Variants in BABAM2 observed in about 807,000 individuals in gnomAD.
BABAM2 encodes BRISC and BRCA1-A complex member 2.
A neutral mutation model predicts 54.7 loss-of-function variants in BABAM2; 31 were observed. That is an observed-to-expected ratio of 0.57 (90% CI 0.43 to 0.77). The LOEUF (loss-of-function observed/expected upper bound fraction) is 0.77, where lower values mean the gene tolerates loss of function less well. BABAM2 is among the 30% of genes least tolerant of loss of function. The probability of loss-of-function intolerance (pLI) is 0.00; values close to 1 mark genes in which losing one functional copy is unlikely to be tolerated. For synonymous variants in BABAM2, 167 were observed against 162.9 expected, an observed-to-expected ratio of 1.03 and a Z score of -0.19; for missense variants, 364 against 455.8, an observed-to-expected ratio of 0.80 and a Z score of 1.83.
chr2:28,091,528 T>C (rs1666157788), intron 6 of BABAM2, among the ~76,000 whole-genome samples: 3 of 152,218 alleles, frequency 2.0e-5, no homozygotes, highest in Admixed American at 6.5e-5. Flanking sequence ...GTTAAGTTGG[T>C]GATCTCCAAA....
chr2:28,012,144 A>G (rs974459084), intron 4 of BABAM2, among the ~76,000 whole-genome samples: 1 of 152,248 alleles, frequency 6.6e-6, no homozygotes, highest in African/African-American at 2.4e-5. Context: ...TGTTTCTTGT[A>G]GTACAGCCAG....
At chr2:28,093,242 G>T (rs769455903) in intron 6 of BABAM2, among the ~76,000 whole-genome samples, 5 of 152,060 alleles carry the variant, frequency 3.3e-5, no homozygotes, top group Admixed American at 1.3e-4. Flanking sequence ...TACTGTTTTG[G>T]TTTTAGGTTG....
chr2:28,108,063 CG>C (rs1380808027), intron 6 of BABAM2, among the ~76,000 whole-genome samples: 1 of 151,502 alleles, frequency 6.6e-6, no homozygotes, highest in Non-Finnish European at 1.5e-5. Context: ...TTTGCTGTTC[CG>C]TTTTTTTTTT....
chr2:27,947,753 G>T (rs1453532141), intron 3 of BABAM2, among the ~76,000 whole-genome samples: 1 of 152,088 alleles, frequency 6.6e-6, no homozygotes, highest in East Asian at 1.9e-4. Context: ...TTATGTTCAG[G>T]TTTGTGATCC....
At chr2:28,035,402 TATATA>T (rs1676593575) in intron 5 of BABAM2, among the ~76,000 whole-genome samples, 2 of 152,210 alleles carry the variant, frequency 1.3e-5, no homozygotes, top group Admixed American at 1.3e-4. Context: ...CAGTCAGCCA[TATATA>T]GCAGGGCATG....
At chr2:28,085,974 G>A (rs1665604247) in intron 6 of BABAM2, among the ~76,000 whole-genome samples, 1 of 151,960 alleles carries the variant, frequency 6.6e-6, no homozygotes, top group African/African-American at 2.4e-5. Context: ...TTATATTCTT[G>A]TCTTATGCTG....
At chr2:28,237,595 T>C (rs1682028826) in intron 8 of BABAM2, among the ~76,000 whole-genome samples, 1 of 152,204 alleles carries the variant, frequency 6.6e-6, no homozygotes, top group Non-Finnish European at 1.5e-5. Context: ...TTTACCCAGT[T>C]TTTGCCAGAT....
At chr2:28,236,731 G>A (rs1681951499) in intron 7 of BABAM2, among the ~76,000 whole-genome samples, 2 of 152,276 alleles carry the variant, frequency 1.3e-5, no homozygotes, top group South Asian at 4.2e-4. Context: ...TTAGTGCTTG[G>A]ATCAGTGATT....
chr2:28,100,947 G>A (rs577386620), intron 6 of BABAM2, among the ~76,000 whole-genome samples: 13 of 152,300 alleles, frequency 8.5e-5, no homozygotes, highest in Non-Finnish European at 1.6e-4. Flanking sequence ...TGACAACAGA[G>A]TTTACATACA....
intron 6 of BABAM2, among the ~76,000 whole-genome samples, chr2:28,074,151 G>A (rs1368358908): frequency 1.3e-5 from 2 of 151,988 alleles, no homozygotes; most frequent in African/African-American, 4.8e-5. Context: ...GAAATTGCTG[G>A]GGCCATTAGG....
At chr2:27,915,745 A>C (rs1666921219) in intron 2 of BABAM2, among the ~76,000 whole-genome samples, 1 of 152,150 alleles carries the variant, frequency 6.6e-6, no homozygotes. Context: ...GACACTTCAG[A>C]ATCTATTAAT....
intron 11 of BABAM2, among the ~76,000 whole-genome samples, chr2:28,315,351 C>G (rs1474692344): frequency 1.3e-5 from 2 of 151,684 alleles, no homozygotes; most frequent in African/African-American, 4.8e-5. Flanking sequence ...TGTTGGTGTT[C>G]ACCATGCTAA....
intron 7 of BABAM2, among the ~76,000 whole-genome samples, chr2:28,133,976 C>T (rs117567255): frequency 5.9e-5 from 9 of 152,226 alleles, no homozygotes; most frequent in East Asian, 1.9e-4. Flanking sequence ...CACGCCCTTA[C>T]GATGCTTAGA....
At chr2:28,218,645 G>A (rs6719247) in intron 7 of BABAM2, among the ~76,000 whole-genome samples, 110,516 of 152,026 alleles carry the variant, frequency 0.73, 41,973 homozygotes, top group East Asian at 0.99. Context: ...TGGTTAAGTG[G>A]TGTCTCTGTG....
At chr2:27,898,957 TA>T (rs944907147) in intron 2 of BABAM2, among the ~76,000 whole-genome samples, 89 of 143,160 alleles carry the variant, frequency 6.2e-4, no homozygotes, top group Admixed American at 6.3e-4. Context: ...AAGCTGTCAT[TA>T]AAAAAAAAAA....
rs530173037 is a variant in BABAM2, at chr2:27,951,883, ATC to A, written c.205+21979_205+21980del. Among the ~76,000 whole-genome samples, 13 of 152,292 alleles carry A rather than the reference ATC, an allele frequency of 8.5e-5. No individual in the cohort carries two copies. In the South Asian group the frequency reaches 2.7e-3, roughly 32 times the overall value. ...TAGTTTTTTAAAGAGAGATACTGCA[ATC>A]TCTGACTATAATTATGGGTTTATGT... On this transcript the variant is annotated intron_variant, in intron 3 of 11. Coordinates refer to ENST00000379624, the MANE Select transcript of BABAM2 (RefSeq NM_199191.3).
intron 5 of BABAM2, among the ~76,000 whole-genome samples, chr2:28,029,768 A>G (rs1357039222): frequency 9.9e-5 from 15 of 152,162 alleles, no homozygotes; most frequent in Admixed American, 9.8e-4. Flanking sequence ...TTTTTGAGGA[A>G]TTTCCATACT....
chr2:28,076,509 T>TTAGTTAGTTAG (rs1404090269), intron 6 of BABAM2, among the ~76,000 whole-genome samples: 1 of 124,940 alleles, frequency 8.0e-6, no homozygotes, highest in African/African-American at 2.8e-5. Flanking sequence ...TAGTTAGTTA[T>TTAGTTAGTTAG]TTTTGAGACA....
At chr2:28,337,774 C>T (rs1691598734) in intron 11 of BABAM2, among the ~76,000 whole-genome samples, 1 of 152,150 alleles carries the variant, frequency 6.6e-6, no homozygotes, top group African/African-American at 2.4e-5. Flanking sequence ...CCCTTGAGGC[C>T]AGGAGTTTGA....
Sources: gnomAD v4.1 joint callset for allele counts (sites outside exome capture counted in the v4.1 genomes callset) on GRCh38, gnomAD v4.1.1 for gene constraint, MANE v1.5 for transcripts, NCBI Gene and HGNC (gene_info 2026-07-23, HGNC 2026-07-21) for gene names.